The following PLEKHA1 variants were observed in gnomAD, a reference collection of about 807,000 sequenced individuals.
PLEKHA1 encodes pleckstrin homology domain-containing family A member 1.
A neutral mutation model predicts 52.0 loss-of-function variants in PLEKHA1; 34 were observed. That is an observed-to-expected ratio of 0.65 (90% CI 0.50 to 0.87). The LOEUF (loss-of-function observed/expected upper bound fraction) is 0.87, where lower values mean the gene tolerates loss of function less well. PLEKHA1 is among the 40% of genes least tolerant of loss of function. The pLI, the probability that PLEKHA1 is intolerant of heterozygous loss-of-function variation, is 0.00. For missense variants in PLEKHA1, 497 were observed against 504.2 expected, an observed-to-expected ratio of 0.99 and a Z score of 0.14; for synonymous variants, 163 against 170.7, an observed-to-expected ratio of 0.95 and a Z score of 0.35.
rs2097405770 is a variant in PLEKHA1 at position 122,430,318 on chromosome 10, C to T, written c.*380C>T. ...GGTCATTTAAAAAATGCTACAATGA[C>T]TTCCTATTAAAGGTTCAATATTTAC... On this transcript the variant is annotated 3_prime_UTR_variant, in exon 12 of 12. Transcript: ENST00000368990. 6.1e-6 allele frequency: 1 copy of T among 164,778 alleles called. No individual in the cohort carries two copies. Among genetic ancestry groups the T allele is most frequent in the African/African-American group, 2.4e-5 (1 of 41,708 alleles). 10.2% of individuals were successfully genotyped at this position (164,778 alleles called of 1,614,324 possible).
At chr10:122,416,089 T>C in intron 7 of PLEKHA1, 87 bp downstream of exon 7, 1 of 1,404,510 alleles carries the variant, frequency 7.1e-7, no homozygotes, top group Non-Finnish European at 9.5e-7. Context: ...TTTGCTTTAT[T>C]TTATGAAAGA....
chr10:122,389,515 T>C (rs2096746937), intron 1 of PLEKHA1, among the ~76,000 whole-genome samples: 1 of 152,088 alleles, frequency 6.6e-6, no homozygotes, highest in Admixed American at 6.6e-5. Context: ...GCCCGGCCAA[T>C]GTGGTGAAAC....
rs376087402 is a variant in PLEKHA1 at position 122,391,456 on chromosome 10, A to G, written c.-20-1725A>G. 2.0e-4 allele frequency among the ~76,000 whole-genome samples: 31 copies of G among 152,266 alleles called. No individual in the cohort carries two copies. In the East Asian group the frequency reaches 3.1e-3, roughly 15 times the overall value. On this transcript the variant is annotated intron_variant, in intron 1 of 11. Transcript: ENST00000368990. ...TTAATTTTTATAAATGGTGTGAGGT[A>G]GGGGGTCCAGCTTCATTCTATGTGG...
chr10:122,375,137 G>C (rs1248571620), intron 1 of PLEKHA1, among the ~76,000 whole-genome samples: 1 of 151,802 alleles, frequency 6.6e-6, no homozygotes, highest in African/African-American at 2.4e-5. Context: ...CCCGGCGGGG[G>C]AGGGCGGGAG....
At chr10:122,388,182 T>C (rs1241190093) in intron 1 of PLEKHA1, among the ~76,000 whole-genome samples, 1 of 152,216 alleles carries the variant, frequency 6.6e-6, no homozygotes, top group African/African-American at 2.4e-5. Context: ...CTCTTCAGCC[T>C]CTGGCAACCA....
At chr10:122,384,044 A>G (rs1206533288) in intron 1 of PLEKHA1, among the ~76,000 whole-genome samples, 1 of 152,106 alleles carries the variant, frequency 6.6e-6, no homozygotes, top group East Asian at 1.9e-4. Context: ...GGCAATGGCT[A>G]CATCTCGGTA....
At position 122,409,287 on chromosome 10, in the gene PLEKHA1, T is replaced by C. The variant is rs534338848; in HGVS notation, c.342+2614T>C. 2.7e-3 allele frequency among the ~76,000 whole-genome samples: 407 copies of C among 152,284 alleles called. 1 individual carries two copies. The highest frequency in any genetic ancestry group is 7.5e-3 in the South Asian group (36 of 4,822). Reference sequence around the variant, plus strand: ...CTTGTAAAGTTGAAAAATTGAACCATTGTAAGTCCTGGACCATCTGTATTA... The same window carrying C: ...CTTGTAAAGTTGAAAAATTGAACCACTGTAAGTCCTGGACCATCTGTATTA... On this transcript the variant is annotated intron_variant, in intron 5 of 11. Transcript: ENST00000368990.
chr10:122,399,130 C>T (rs1265338271), intron 3 of PLEKHA1, among the ~76,000 whole-genome samples: 1 of 152,008 alleles, frequency 6.6e-6, no homozygotes, highest in Non-Finnish European at 1.5e-5. Context: ...GCAGTTTGTA[C>T]TCTACTTTGG....
At chr10:122,395,603 A>G (rs777007674) in intron 2 of PLEKHA1, among the ~76,000 whole-genome samples, 14 of 148,018 alleles carry the variant, frequency 9.5e-5, no homozygotes, top group South Asian at 2.1e-4. Context: ...AAAAATGGCA[A>G]TGTCATATGG....
chr10:122,396,343 T>C (rs2096849236), intron 2 of PLEKHA1, among the ~76,000 whole-genome samples: 1 of 152,106 alleles, frequency 6.6e-6, no homozygotes, highest in Admixed American at 6.5e-5. Context: ...TTCTTTAAAG[T>C]TAAAAACCAA....
At chr10:122,406,482 G>A (rs1319188182) in intron 4 of PLEKHA1, 94 bp from the exon 5 acceptor site, 7 of 901,908 alleles carry the variant, frequency 7.8e-6, no homozygotes, top group African/African-American at 5.0e-5. Context: ...CGAGAGTCAC[G>A]GTGTTGAACT....
chr10:122,387,852 A>C (rs982530298), intron 1 of PLEKHA1: 2 of 152,198 alleles, frequency 1.3e-5, no homozygotes, highest in Non-Finnish European at 2.9e-5. Flanking sequence ...CAGATTTCCT[A>C]CATGACAGCT....
At chr10:122,401,788 G>T (rs1279952577) in intron 4 of PLEKHA1, among the ~76,000 whole-genome samples, 1 of 152,060 alleles carries the variant, frequency 6.6e-6, no homozygotes, top group Non-Finnish European at 1.5e-5. Context: ...TATTTGGAGT[G>T]GTCAACTAAC....
At chr10:122,441,481 A>AC in the PLEKHA1 span, 1 of 152,716 alleles carries the variant, frequency 6.5e-6, no homozygotes, top group Non-Finnish European at 1.5e-5. Context: ...AAAAAAAAAA[A>AC]AGTTTGAGAT....
At position 122,429,720 on chromosome 10, in the gene PLEKHA1, T is replaced by C. The variant is rs1565354415; in HGVS notation, c.997T>C (p.Leu333=). ...TTCCACAGCCTCTCGCAGCAACTCTTTGGTCTCAACCTTTACCATGGAGAA... is the reference window on the plus strand; with the variant it reads ...TTCCACAGCCTCTCGCAGCAACTCTCTGGTCTCAACCTTTACCATGGAGAA... ...SHSTASRSNS[L]VSTFTMEKRG... Residue 333 remains leucine (L), a synonymous_variant, in exon 12 of 12, where the codon TTG becomes CTG. Transcript: ENST00000368990. 6.2e-7 allele frequency: 1 copy of C among 1,614,148 alleles called. No homozygotes were observed. Among genetic ancestry groups the C allele is most frequent in the Non-Finnish European group, 8.5e-7 (1 of 1,180,034 alleles).
intron 1 of PLEKHA1, among the ~76,000 whole-genome samples, chr10:122,382,571 A>G (rs561199697): frequency 2.6e-5 from 4 of 152,176 alleles, no homozygotes; most frequent in Non-Finnish European, 5.9e-5. Flanking sequence ...CATTTCATCT[A>G]GTGGTTTTAG....
chr10:122,397,896 T>C lies in PLEKHA1; in HGVS notation c.142-22T>C, dbSNP rs1408319548. On this transcript the variant is annotated intron_variant, in intron 2 of 11. Transcript: ENST00000368990. ...AATTCATAATATTGGATATTAAGTA[T>C]ATATTAATACTTTGTTTCTAGAACC... is the stretch of plus-strand genomic sequence containing the variant. 5.9e-6 allele frequency: 9 copies of C among 1,536,224 alleles called. No homozygotes were observed. In the South Asian group the frequency reaches 9.3e-5, roughly 16 times the overall value.
At chr10:122,391,989 T>C (rs770761549) in intron 1 of PLEKHA1, among the ~76,000 whole-genome samples, 3 of 152,190 alleles carry the variant, frequency 2.0e-5, no homozygotes, top group African/African-American at 4.8e-5. Flanking sequence ...TAAATAGTTA[T>C]GTAAATTCAT....
chr10:122,411,141 G>C (rs1463896739), intron 5 of PLEKHA1, among the ~76,000 whole-genome samples: 1 of 152,166 alleles, frequency 6.6e-6, no homozygotes, highest in African/African-American at 2.4e-5. Context: ...AAGAATTCAA[G>C]AGGTATTCAG....
Sources: gnomAD v4.1 joint callset for allele counts (sites outside exome capture counted in the v4.1 genomes callset) on GRCh38, gnomAD v4.1.1 for gene constraint, MANE v1.5 for transcripts, NCBI Gene and HGNC (gene_info 2026-07-23, HGNC 2026-07-21) for gene names.